The following ANKRD6 variants were observed in gnomAD, a reference collection of about 807,000 sequenced individuals.
ANKRD6 encodes the protein ankyrin repeat domain-containing protein 6.
Under a neutral mutation model 82.3 loss-of-function variants are expected in ANKRD6, and 56 were observed. The observed-to-expected ratio is 0.68, with a 90% CI of 0.55 to 0.85. The LOEUF (loss-of-function observed/expected upper bound fraction) is 0.85, where lower values mean the gene tolerates loss of function less well. Ranked by LOEUF, ANKRD6 falls within the 40% of genes least tolerant of loss-of-function variation. The pLI is 0.00. For missense variants in ANKRD6, 852 were observed against 907.6 expected (o/e 0.94, Z 0.79); for synonymous variants, 347 against 352.1 (o/e 0.99, Z 0.16).
At chr6:89,435,132 G>C (rs1015963284) in intron 1 of ANKRD6, among the ~76,000 whole-genome samples, 1 of 152,204 alleles carries the variant, frequency 6.6e-6, no homozygotes, top group African/African-American at 2.4e-5. Flanking sequence ...ACTCAGCTTA[G>C]AGACAAGGCA....
At chr6:89,553,727 G>A (rs768380678) in intron 1 of ANKRD6, among the ~76,000 whole-genome samples, 4 of 152,084 alleles carry the variant, frequency 2.6e-5, no homozygotes, top group Non-Finnish European at 4.4e-5. Flanking sequence ...CGTGCCTCTC[G>A]TCTCGCCCTC....
chr6:89,503,969 G>A (rs1332945203), intron 1 of ANKRD6, among the ~76,000 whole-genome samples: 1 of 152,196 alleles, frequency 6.6e-6, no homozygotes, highest in Middle Eastern at 3.4e-3. Context: ...GGGAGCAGAC[G>A]CTGGAGGACT....
chr6:89,441,154 A>G (rs1582595623), intron 1 of ANKRD6, among the ~76,000 whole-genome samples: 2 of 152,032 alleles, frequency 1.3e-5, no homozygotes, highest in East Asian at 1.9e-4. Flanking sequence ...TACCGAATGT[A>G]TCTTCTTTTT....
chr6:89,564,324 A>C (rs910151408), intron 1 of ANKRD6, among the ~76,000 whole-genome samples: 7 of 152,150 alleles, frequency 4.6e-5, no homozygotes, highest in Admixed American at 3.9e-4. Flanking sequence ...TGAAAAGCAA[A>C]AAAATAGAAG....
At chr6:89,445,844 T>A (rs1313268431) in intron 1 of ANKRD6, among the ~76,000 whole-genome samples, 1 of 151,548 alleles carries the variant, frequency 6.6e-6, no homozygotes, top group South Asian at 2.1e-4. Flanking sequence ...CCTCCCAAAG[T>A]GCTAGGTACA....
At chr6:89,514,410 G>C (rs1780955002) in intron 1 of ANKRD6, among the ~76,000 whole-genome samples, 1 of 151,896 alleles carries the variant, frequency 6.6e-6, no homozygotes, top group African/African-American at 2.4e-5. Flanking sequence ...TTTTTGTTTT[G>C]TTTTGTTTTG....
intron 1 of ANKRD6, among the ~76,000 whole-genome samples, chr6:89,521,194 C>T (rs571536403): frequency 6.6e-6 from 1 of 152,160 alleles, no homozygotes; most frequent in Admixed American, 6.5e-5. Context: ...TCCTTGCCCT[C>T]ACAGTGCTCA....
intron 11 of ANKRD6, 73 bp downstream of exon 11, chr6:89,623,617 T>C: frequency 2.0e-6 from 3 of 1,519,000 alleles, no homozygotes; most frequent in Non-Finnish European, 1.8e-6. Flanking sequence ...CAGAGCGTCA[T>C]GCCCATCAGC....
At chr6:89,603,276 C>G in intron 4 of ANKRD6, 149 bp downstream of exon 4, 1 of 606,070 alleles carries the variant, frequency 1.6e-6, no homozygotes, top group Non-Finnish European at 2.8e-6. Context: ...TTAAATCAGC[C>G]TAAAATTCCT....
At chr6:89,525,742 T>C (rs1782418294) in intron 1 of ANKRD6, among the ~76,000 whole-genome samples, 1 of 152,224 alleles carries the variant, frequency 6.6e-6, no homozygotes, top group African/African-American at 2.4e-5. Flanking sequence ...ATGTAACATA[T>C]ATCTCATGTT....
intron 5 of ANKRD6, among the ~76,000 whole-genome samples, chr6:89,609,675 G>A (rs576342574): frequency 2.0e-5 from 3 of 148,840 alleles, no homozygotes; most frequent in African/African-American, 7.4e-5. Flanking sequence ...GCTGGAGCGC[G>A]ATCTCGGCTT....
At chr6:89,555,048 A>C (rs985386533) in intron 1 of ANKRD6, among the ~76,000 whole-genome samples, 145 of 34,370 alleles carry the variant, frequency 4.2e-3, no homozygotes, top group East Asian at 7.0e-3. Context: ...CTTTCTCTCC[A>C]TCCTCTCCTC....
intron 1 of ANKRD6, among the ~76,000 whole-genome samples, chr6:89,534,987 G>A (rs1350449570): frequency 6.6e-6 from 1 of 152,142 alleles, no homozygotes; most frequent in Admixed American, 6.6e-5. Context: ...GATGGAAATG[G>A]AAACCTCTGC....
rs772311672 is a variant in ANKRD6 at position 89,630,890 on chromosome 6, A to C, written c.2070A>C (p.Ala690=). 9 of 1,613,438 alleles carry C rather than the reference A, an allele frequency of 5.6e-6. No individual in the cohort carries two copies. The highest frequency in any genetic ancestry group is 7.6e-6 in the Non-Finnish European group (9 of 1,179,770). The change falls in exon 16 of 16, where the codon GCA becomes GCC. Residue 690 remains alanine, a synonymous_variant. Coordinates refer to ENST00000339746, the MANE Select transcript of ANKRD6 (RefSeq NM_001242809.2). ...EKWYERKIEE[A]RSQANQKAQQ... ...GGTATGAAAGGAAGATTGAAGAAGC[A>C]CGAAGCCAAGCCAATCAGAAAGCCC...
intron 2 of ANKRD6, among the ~76,000 whole-genome samples, chr6:89,587,653 C>T (rs531610873): frequency 1.3e-5 from 2 of 152,254 alleles, no homozygotes; most frequent in South Asian, 2.1e-4. Context: ...GGACTGTTGG[C>T]CCCCAGTGCA....
At chr6:89,565,628 C>T (rs1401438946) in intron 1 of ANKRD6, among the ~76,000 whole-genome samples, 1 of 152,150 alleles carries the variant, frequency 6.6e-6, no homozygotes, top group East Asian at 1.9e-4. Context: ...GGATATGGTC[C>T]AGGGCTTTCC....
chr6:89,476,614 T>G (rs1366352983), intron 1 of ANKRD6, among the ~76,000 whole-genome samples: 3 of 152,238 alleles, frequency 2.0e-5, no homozygotes, highest in African/African-American at 7.2e-5. Flanking sequence ...CAGTTCTTAA[T>G]ATTGAATATT....
chr6:89,473,958 A>G (rs1477187277), intron 1 of ANKRD6, among the ~76,000 whole-genome samples: 1 of 152,152 alleles, frequency 6.6e-6, no homozygotes. Context: ...TCAAGCCTGG[A>G]CAACAGAGTG....
intron 1 of ANKRD6, among the ~76,000 whole-genome samples, chr6:89,503,183 G>A (rs1461616109): frequency 6.6e-6 from 1 of 152,186 alleles, no homozygotes; most frequent in Admixed American, 6.5e-5. Context: ...TTAGGCTAGT[G>A]GGTGGGTCTG....
Sources: allele counts gnomAD v4.1 joint callset (sites outside exome capture counted in the v4.1 genomes callset), GRCh38; gene constraint gnomAD v4.1.1; transcripts MANE v1.5; gene names NCBI Gene and HGNC (gene_info 2026-07-23, HGNC 2026-07-21).